The following ZHX3 variants were observed in gnomAD, a reference collection of about 807,000 sequenced individuals.
ZHX3 encodes zinc fingers and homeoboxes 3, also known as zinc fingers and homeoboxes protein 3.
A neutral mutation model predicts 64.5 loss-of-function variants in ZHX3; 20 were observed. That is an observed-to-expected ratio of 0.31 (90% confidence interval 0.22 to 0.45). ZHX3 has a LOEUF of 0.45. Ranked by LOEUF, ZHX3 falls within the 20% of genes least tolerant of loss-of-function variation. The pLI, the probability that ZHX3 is intolerant of heterozygous loss-of-function variation, is 1.00. For synonymous variants in ZHX3, 423 were observed against 461.6 expected, an observed-to-expected ratio of 0.92 and a Z score of 1.07; for missense variants, 1,041 against 1,195.8, an observed-to-expected ratio of 0.87 and a Z score of 1.91.
In ZHX3 at chr20:41,201,930, G is replaced by A. The variant is rs1053363226; in HGVS notation, c.2860+127C>T. 172 of 1,173,812 alleles carry A rather than the reference G, an allele frequency of 1.5e-4. No individual in the cohort carries two copies. The highest frequency in any genetic ancestry group is 1.8e-4 in the Non-Finnish European group (156 of 863,162). 72.7% of individuals were successfully genotyped at this position (1,173,812 alleles called of 1,614,324 possible). A position where few individuals can be genotyped will look rare whatever the true frequency, so the allele number is the denominator to read the frequency against. ...TAGTTGTCCTCTGAAGCAGCCAGGCGGTTAATGCTGCTGCCAGGCAGCCTT... is the reference window on the plus strand; with the variant it reads ...TAGTTGTCCTCTGAAGCAGCCAGGCAGTTAATGCTGCTGCCAGGCAGCCTT... On this transcript the variant is annotated intron_variant, in intron 3 of 3. Coordinates refer to ENST00000683867, the MANE Select transcript of ZHX3 (RefSeq NM_001384317.1). This position sits in a 1 kb window ranked among gnomAD's most constrained non-coding sequence, Gnocchi z 5.0.
Position 41,185,431 on chromosome 20 carries a change from A to C in ZHX3, c.2861-230T>G. On this transcript the variant is annotated intron_variant, in intron 3 of 3. Coordinates refer to ENST00000683867, the MANE Select transcript of ZHX3 (RefSeq NM_001384317.1). The surrounding 1 kb of genome is among the most constrained non-coding windows in gnomAD (Gnocchi z 5.0). ...GTAAGGCCATCAGACTCTCTGAGAG[A>C]CCCTGCTAAACCCTAGGCCTAGCAG... 1.7e-6 allele frequency: 1 copy of C among 598,806 alleles called. No homozygotes were observed. The highest frequency in any genetic ancestry group is 2.9e-6 in the Non-Finnish European group (1 of 340,372). The allele number at this position is 598,806 out of a possible 1,614,324, so 37.1% of individuals were successfully genotyped here. A position where few individuals can be genotyped will look rare whatever the true frequency, so the allele number is the denominator to read the frequency against.
At chr20:41,222,860 A>G (rs2040032768) in intron 2 of ZHX3, among the ~76,000 whole-genome samples, 1 of 151,710 alleles carries the variant, frequency 6.6e-6, no homozygotes, top group African/African-American at 2.4e-5. Flanking sequence ...CAGGCTGAAT[A>G]GCTTGCAGGC....
Position 41,203,150 on chromosome 20 carries a change from C to T in ZHX3, c.1767G>A (p.Pro589=), listed in dbSNP as rs201006670. 3.7e-6 allele frequency: 6 copies of T among 1,614,020 alleles called. No individual in the cohort carries two copies. Among genetic ancestry groups the T allele is most frequent in the East Asian group, 4.5e-5 (2 of 44,862 alleles). ...SSKVPEVTCI[P]TTATLATHPS... Reference sequence around the variant, plus strand: ...GGTGGGTTGCTAGTGTGGCTGTTGTCGGAATGCAGGTTACCTCAGGGACCT... The same window carrying T: ...GGTGGGTTGCTAGTGTGGCTGTTGTTGGAATGCAGGTTACCTCAGGGACCT... Residue 589 remains proline (P), a synonymous_variant, in exon 3 of 4, where the codon CCG becomes CCA. Coordinates refer to ENST00000683867, the MANE Select transcript of ZHX3 (RefSeq NM_001384317.1). The surrounding 1 kb of genome is among the most constrained non-coding windows in gnomAD (Gnocchi z 7.1).
intron 2 of ZHX3, among the ~76,000 whole-genome samples, chr20:41,205,700 G>C (rs984823264): frequency 6.6e-6 from 1 of 152,148 alleles, no homozygotes; most frequent in South Asian, 2.1e-4. Context: ...TATGTATCCC[G>C]GACCACTGTT....
intron 1 of ZHX3, among the ~76,000 whole-genome samples, chr20:41,301,685 TG>T (rs1226551588): frequency 6.6e-6 from 1 of 152,082 alleles, no homozygotes; most frequent in Non-Finnish European, 1.5e-5. Context: ...TCCACCATTT[TG>T]TGCAAATAAA....
At chr20:41,241,720 G>A (rs190237439) in intron 2 of ZHX3, among the ~76,000 whole-genome samples, 1 of 152,204 alleles carries the variant, frequency 6.6e-6, no homozygotes, top group Admixed American at 6.5e-5. Context: ...GATAGCTTTG[G>A]TTATTCTGGG....
At chr20:41,296,232 T>TTAAAA (rs2044514054) in intron 1 of ZHX3, among the ~76,000 whole-genome samples, 4 of 72,972 alleles carry the variant, frequency 5.5e-5, no homozygotes, top group Admixed American at 1.5e-4. Flanking sequence ...GTTCATAAAG[T>TTAAAA]AAAAAAAAAA....
At chr20:41,211,482 T>C (rs374207564) in intron 2 of ZHX3, among the ~76,000 whole-genome samples, 1 of 152,200 alleles carries the variant, frequency 6.6e-6, no homozygotes, top group Non-Finnish European at 1.5e-5. Flanking sequence ...CACACTTTTT[T>C]ACTTAATTTT....
intron 2 of ZHX3, among the ~76,000 whole-genome samples, chr20:41,207,646 T>G (rs1038031267): frequency 2.0e-5 from 3 of 152,224 alleles, no homozygotes; most frequent in African/African-American, 7.2e-5. Context: ...TTGAAACCAA[T>G]GAGAACAAAG....
rs534906522 is a variant in ZHX3, at chr20:41,183,302, T to C, written c.*1889A>G. 5 of 152,348 alleles carry C rather than the reference T, an allele frequency of 3.3e-5. No homozygotes were observed. The highest frequency in any genetic ancestry group is 1.3e-4 in the Admixed American group (2 of 15,294). 9.4% of individuals were successfully genotyped at this position (152,348 alleles called of 1,614,324 possible). The stretch of plus-strand genomic sequence containing the variant: ...ATTCTTGGCAATTCCTCAAAGGTTT[T>C]TGAGACCAAACATCTTTACTCCCCA... On this transcript the variant is annotated 3_prime_UTR_variant, in exon 4 of 4. Coordinates refer to ENST00000683867, the MANE Select transcript of ZHX3 (RefSeq NM_001384317.1). This position sits in a 1 kb window ranked among gnomAD's most constrained non-coding sequence, Gnocchi z 5.3.
At chr20:41,287,849 A>G (rs1475459401) in intron 1 of ZHX3, among the ~76,000 whole-genome samples, 1 of 152,158 alleles carries the variant, frequency 6.6e-6, no homozygotes, top group Non-Finnish European at 1.5e-5. Context: ...CATAACAGGT[A>G]TTTGTTGTTT....
chr20:41,252,827 A>C (rs972388476), intron 2 of ZHX3, among the ~76,000 whole-genome samples: 8 of 152,210 alleles, frequency 5.3e-5, no homozygotes. Context: ...CTCTTCCTCA[A>C]CACAACAAAC....
In ZHX3 at chr20:41,203,797, T is replaced by G; in HGVS notation, c.1120A>C (p.Lys374Gln). The change falls in exon 3 of 4, where the codon AAG becomes CAG. Residue 374 changes from lysine (K) to glutamine (Q), a missense_variant. Lys to Gln is a moderately conservative substitution (Grantham distance 53). Transcript: ENST00000683867. The surrounding 1 kb of genome is among the most constrained non-coding windows in gnomAD (Gnocchi z 7.1). ...SPEEIEDARK[K>Q]MFNTVIQSVP... ...GACTGGATGACTGTATTGAACATCT[T>G]TTTCCGGGCATCCTCAATCTCCTCA... 6.2e-7 allele frequency: 1 copy of G among 1,614,234 alleles called. No individual in the cohort carries two copies. The highest frequency in any genetic ancestry group is 1.1e-5 in the South Asian group (1 of 91,084).
intron 1 of ZHX3, among the ~76,000 whole-genome samples, chr20:41,307,506 C>G (rs1281185135): frequency 6.6e-6 from 1 of 152,170 alleles, no homozygotes; most frequent in Non-Finnish European, 1.5e-5. Flanking sequence ...ACTATGATCC[C>G]AAGATCATTT....
chr20:41,270,836 C>T (rs2043109244), intron 1 of ZHX3, among the ~76,000 whole-genome samples: 1 of 152,146 alleles, frequency 6.6e-6, no homozygotes, highest in Non-Finnish European at 1.5e-5. Flanking sequence ...ACTGAATTAG[C>T]TCTTGAAAAT....
intron 2 of ZHX3, among the ~76,000 whole-genome samples, chr20:41,208,168 A>G (rs1280661659): frequency 2.0e-5 from 3 of 152,216 alleles, no homozygotes; most frequent in Non-Finnish European, 2.9e-5. Context: ...TGAATACACC[A>G]ATAACAGGTT....
At chr20:41,295,002 A>G (rs937686513) in intron 1 of ZHX3, among the ~76,000 whole-genome samples, 1 of 152,168 alleles carries the variant, frequency 6.6e-6, no homozygotes, top group African/African-American at 2.4e-5. Flanking sequence ...CGCCCAGCCC[A>G]CATTAATATT....
chr20:41,205,438 GT>G (rs576707255), intron 2 of ZHX3, among the ~76,000 whole-genome samples: 1 of 152,226 alleles, frequency 6.6e-6, no homozygotes, highest in South Asian at 2.1e-4. Context: ...TGTAATTCTT[GT>G]TTACATTTTG....
chr20:41,276,514 G>T (rs940118719), intron 1 of ZHX3, among the ~76,000 whole-genome samples: 1 of 152,076 alleles, frequency 6.6e-6, no homozygotes, highest in Non-Finnish European at 1.5e-5. Flanking sequence ...TAGCTCTCTG[G>T]GTCTCTAATT....
Sources: gnomAD v4.1 joint callset for allele counts (sites outside exome capture counted in the v4.1 genomes callset) on GRCh38, gnomAD v4.1.1 for gene constraint, Gnocchi (gnomAD v3.1) non-coding constraint, MANE v1.5 for transcripts, NCBI Gene and HGNC (gene_info 2026-07-23, HGNC 2026-07-21) for gene names.